Variants in TXNL1 observed in about 807,000 individuals in gnomAD.
TXNL1 encodes the protein thioredoxin-like protein 1.
In TXNL1, 14 loss-of-function variants were observed where a neutral mutation model predicts 35.5. The observed-to-expected ratio is 0.39, with a 90% CI of 0.26 to 0.62. TXNL1 has a LOEUF of 0.62. Ranked by LOEUF, TXNL1 falls within the 20% of genes least tolerant of loss-of-function variation. The pLI, the probability that TXNL1 is intolerant of heterozygous loss-of-function variation, is 0.47. For missense variants in TXNL1, 263 were observed against 349.7 expected, an observed-to-expected ratio of 0.75 and a Z score of 1.98; for synonymous variants, 110 against 115.5, an observed-to-expected ratio of 0.95 and a Z score of 0.31.
rs559793942 is a variant in TXNL1, at chr18:56,633,275, G to A, written c.98+5068C>T. 4.6e-5 allele frequency among the ~76,000 whole-genome samples: 7 copies of A among 151,768 alleles called. No individual in the cohort carries two copies. In the South Asian group the frequency reaches 1.5e-3, roughly 32 times the overall value. Reference sequence around the variant, plus strand: ...ATCCTGGCTAACACGGTGAAACCCCGTCTCTACTAAAAATACAAAAAATTA... The same window carrying A: ...ATCCTGGCTAACACGGTGAAACCCCATCTCTACTAAAAATACAAAAAATTA... On this transcript the variant is annotated intron_variant, in intron 1 of 7. Transcript: ENST00000217515.
chr18:56,604,360 A>T (rs569797544), intron 7 of TXNL1: 1 of 152,376 alleles, frequency 6.6e-6, no homozygotes, highest in African/African-American at 2.4e-5. Context: ...TATTAGATTA[A>T]GCAAAAGAAA....
At chr18:56,609,764 T>A (rs1016380722) in intron 7 of TXNL1, 1 of 152,344 alleles carries the variant, frequency 6.6e-6, no homozygotes, top group South Asian at 2.1e-4. Context: ...CGTAAAAATG[T>A]AGATGCTTAA....
intron 7 of TXNL1, chr18:56,608,225 C>T (rs2023933656): frequency 1.3e-5 from 2 of 152,156 alleles, no homozygotes; most frequent in Admixed American, 6.5e-5. Flanking sequence ...TCTATCTGTA[C>T]AAGGACTAAG....
intron 2 of TXNL1, among the ~76,000 whole-genome samples, chr18:56,625,309 T>C (rs2024258107): frequency 6.6e-6 from 1 of 152,130 alleles, no homozygotes; most frequent in African/African-American, 2.4e-5. Flanking sequence ...TTTTCTATTA[T>C]CTATATTAAA....
rs1335636755 is a variant in TXNL1, at chr18:56,599,083, A to G, written c.*3944T>C. On this transcript the variant is annotated 3_prime_UTR_variant, in exon 8 of 8. Coordinates refer to ENST00000217515, the MANE Select transcript of TXNL1 (RefSeq NM_004786.3). ...AATACTCTAGCAGTTTTAACATTGC[A>G]TATCCTTAAGATTTTAATATTCCAA... The G allele has an allele frequency of 6.6e-6, 1 of 152,234 alleles. No individual in the cohort carries two copies. The highest frequency in any genetic ancestry group is 1.5e-5 in the Non-Finnish European group (1 of 68,034). 9.4% of individuals were successfully genotyped at this position (152,234 alleles called of 1,614,324 possible).
At chr18:56,608,071 G>A (rs1055465449) in intron 7 of TXNL1, among the ~76,000 whole-genome samples, 7 of 152,034 alleles carry the variant, frequency 4.6e-5, no homozygotes, top group South Asian at 2.1e-4. Context: ...GGCATCCACC[G>A]GGGGTCTAAG....
intron 1 of TXNL1, among the ~76,000 whole-genome samples, chr18:56,631,053 G>T (rs1293906002): frequency 6.6e-6 from 1 of 151,662 alleles, no homozygotes; most frequent in African/African-American, 2.4e-5. Flanking sequence ...GCCAATTTTT[G>T]ATGTTTTGAA....
At chr18:56,616,128 T>A (rs1324064621) in intron 5 of TXNL1, 117 bp downstream of exon 5, 4 of 844,902 alleles carry the variant, frequency 4.7e-6, no homozygotes, top group East Asian at 5.6e-5. Context: ...CAAGACTCTG[T>A]CTCAAAAAAA....
chr18:56,618,396 A>G (rs925601602), intron 3 of TXNL1, among the ~76,000 whole-genome samples: 3 of 152,228 alleles, frequency 2.0e-5, no homozygotes, highest in Non-Finnish European at 2.9e-5. Flanking sequence ...TTAAAAAATA[A>G]GTGTTTTACA....
At chr18:56,624,659 A>C (rs527652778) in intron 2 of TXNL1, among the ~76,000 whole-genome samples, 198 bp from the exon 3 acceptor site, 1 of 152,310 alleles carries the variant, frequency 6.6e-6, no homozygotes, top group South Asian at 2.1e-4. Context: ...ACCATCACAC[A>C]CACAATAAAG....
intron 7 of TXNL1, among the ~76,000 whole-genome samples, chr18:56,607,279 A>G (rs1311745224): frequency 2.7e-5 from 4 of 148,764 alleles, no homozygotes; most frequent in African/African-American, 9.9e-5. Context: ...CAGCCTCCCA[A>G]GTAGCTGGGA....
At chr18:56,634,579 G>A (rs548800031) in intron 1 of TXNL1, among the ~76,000 whole-genome samples, 7 of 152,134 alleles carry the variant, frequency 4.6e-5, no homozygotes, top group East Asian at 3.9e-4. Context: ...CAGTGTTTTC[G>A]ATAAACGGTG....
chr18:56,602,989 A>C lies in TXNL1; in HGVS notation c.*38T>G, dbSNP rs1278065670. The C allele has an allele frequency of 6.2e-7, 1 of 1,608,680 alleles. No individual in the cohort carries two copies. Among genetic ancestry groups the C allele is most frequent in the Non-Finnish European group, 8.5e-7 (1 of 1,175,258 alleles). On this transcript the variant is annotated 3_prime_UTR_variant, in exon 8 of 8. Transcript: ENST00000217515. ...TCAAGCAATTATCCAGGAGCTGTAG[A>C]TCTGATTGCAATATGGTTGTCCAGT... is the stretch of plus-strand genomic sequence containing the variant.
chr18:56,635,841 T>C (rs1230718467), intron 1 of TXNL1, among the ~76,000 whole-genome samples: 1 of 152,180 alleles, frequency 6.6e-6, no homozygotes, highest in Non-Finnish European at 1.5e-5. Flanking sequence ...GAAAATGACA[T>C]GGTATCTGCA....
chr18:56,603,437 G>C (rs1481022968), intron 7 of TXNL1, among the ~76,000 whole-genome samples: 4 of 152,072 alleles, frequency 2.6e-5, no homozygotes, highest in Non-Finnish European at 4.4e-5. Flanking sequence ...TCTGGAATTA[G>C]AAGCGTATGT....
chr18:56,605,902 C>T (rs1410706561), intron 7 of TXNL1, among the ~76,000 whole-genome samples: 2 of 152,146 alleles, frequency 1.3e-5, no homozygotes, highest in Non-Finnish European at 2.9e-5. Context: ...CAGTGACATA[C>T]TAAAAACGGA....
chr18:56,625,425 C>G (rs1335962362), intron 2 of TXNL1, among the ~76,000 whole-genome samples: 4 of 152,054 alleles, frequency 2.6e-5, no homozygotes, highest in African/African-American at 9.7e-5. Context: ...ATTTTTTATA[C>G]TGTCTTTAAA....
chr18:56,637,419 A>C (rs1212491946), intron 1 of TXNL1, among the ~76,000 whole-genome samples: 1 of 152,220 alleles, frequency 6.6e-6, no homozygotes, highest in Admixed American at 6.5e-5. Context: ...CATACTTCTA[A>C]CTAAATACTA....
intron 1 of TXNL1, among the ~76,000 whole-genome samples, chr18:56,637,342 G>A (rs1279547532): frequency 6.6e-6 from 1 of 152,172 alleles, no homozygotes; most frequent in Non-Finnish European, 1.5e-5. Context: ...GATACCAGCA[G>A]TAGACTGCTC....
Sources: gnomAD v4.1 joint callset for allele counts (sites outside exome capture counted in the v4.1 genomes callset) on GRCh38, gnomAD v4.1.1 for gene constraint, MANE v1.5 for transcripts, NCBI Gene and HGNC (gene_info 2026-07-23, HGNC 2026-07-21) for gene names.